Variants in ERBB4 observed in about 807,000 individuals in gnomAD.
ERBB4 encodes receptor tyrosine-protein kinase erbB-4.
Under a neutral mutation model 158.0 loss-of-function variants are expected in ERBB4, and 42 were observed. That is an observed-to-expected ratio of 0.27 (90% CI 0.21 to 0.34). ERBB4 has a LOEUF of 0.34. Ranked by LOEUF, ERBB4 falls within the 10% of genes least tolerant of loss-of-function variation. The pLI is 1.00. For synonymous variants in ERBB4, 583 were observed against 558.7 expected, an observed-to-expected ratio of 1.04 and a Z score of -0.61; for missense variants, 1,333 against 1,624.1, an observed-to-expected ratio of 0.82 and a Z score of 3.08.
chr2:211,635,804 T>A (rs2125884326), intron 16 of ERBB4, among the ~76,000 whole-genome samples: 1 of 152,248 alleles, frequency 6.6e-6, no homozygotes, highest in African/African-American at 2.4e-5. Flanking sequence ...TACCTTTTTT[T>A]AAAGGTAAGT....
At chr2:212,288,035 C>T (rs1039209060) in intron 1 of ERBB4, among the ~76,000 whole-genome samples, 6 of 152,066 alleles carry the variant, frequency 3.9e-5, no homozygotes, top group Non-Finnish European at 5.9e-5. Context: ...CAAACCTACA[C>T]TTGTACCCCA....
At chr2:212,213,501 G>T (rs1225163979) in intron 1 of ERBB4, among the ~76,000 whole-genome samples, 1 of 151,658 alleles carries the variant, frequency 6.6e-6, no homozygotes, top group Non-Finnish European at 1.5e-5. Context: ...GCATTTATGG[G>T]GGCAGCTAAA....
rs1478923575 is a variant in ERBB4 at position 212,109,769 on chromosome 2, C to T, written c.234+14983G>A. 3.3e-5 allele frequency among the ~76,000 whole-genome samples: 5 copies of T among 152,100 alleles called. No homozygotes were observed. In the South Asian group the frequency reaches 1.0e-3, roughly 32 times the overall value. On this transcript the variant is annotated intron_variant, in intron 2 of 27. Coordinates refer to ENST00000342788, the MANE Select transcript of ERBB4 (RefSeq NM_005235.3). ...TAAGCAAGAGCGTGATCAAACAATT[C>T]AATATTAATAAATAATAAGATATAT... is the stretch of plus-strand genomic sequence containing the variant.
intron 2 of ERBB4, among the ~76,000 whole-genome samples, chr2:211,986,164 G>C (rs1432343238): frequency 6.6e-6 from 1 of 152,132 alleles, no homozygotes; most frequent in Non-Finnish European, 1.5e-5. Context: ...TCAGGAGAAA[G>C]ACCTGGAACA....
chr2:211,734,772 T>G (rs1328896024), intron 5 of ERBB4, among the ~76,000 whole-genome samples: 1 of 151,084 alleles, frequency 6.6e-6, no homozygotes, highest in East Asian at 2.0e-4. Context: ...TACAAAAAAA[T>G]TAGCCAGGCG....
At chr2:212,010,547 G>C (rs1165489359) in intron 2 of ERBB4, among the ~76,000 whole-genome samples, 1 of 152,136 alleles carries the variant, frequency 6.6e-6, no homozygotes, top group East Asian at 1.9e-4. Flanking sequence ...AAGGGCAAAA[G>C]CAGAATTACT....
intron 4 of ERBB4, among the ~76,000 whole-genome samples, chr2:211,756,733 C>T (rs547609088): frequency 2.1e-3 from 317 of 152,226 alleles, no homozygotes; most frequent in African/African-American, 7.2e-3. Context: ...CTGAGGTTGA[C>T]GGTTCCAAAA....
chr2:212,143,913 G>C (rs1166480350), intron 1 of ERBB4, among the ~76,000 whole-genome samples: 2 of 151,914 alleles, frequency 1.3e-5, no homozygotes, highest in African/African-American at 2.4e-5. Flanking sequence ...CAGCTGCTTG[G>C]GAGGCTGAGG....
chr2:212,266,743 A>G (rs2085150546), intron 1 of ERBB4, among the ~76,000 whole-genome samples: 1 of 152,034 alleles, frequency 6.6e-6, no homozygotes, highest in South Asian at 2.1e-4. Flanking sequence ...ATTTCAAAAT[A>G]AAGAAAATAT....
At chr2:212,046,810 T>C (rs2077272592) in intron 2 of ERBB4, among the ~76,000 whole-genome samples, 1 of 152,194 alleles carries the variant, frequency 6.6e-6, no homozygotes, top group African/African-American at 2.4e-5. Flanking sequence ...CTGGTTGTCA[T>C]GGTAAGCTGT....
chr2:212,152,499 G>A (rs1258712770), intron 1 of ERBB4, among the ~76,000 whole-genome samples: 1 of 151,784 alleles, frequency 6.6e-6, no homozygotes, highest in Non-Finnish European at 1.5e-5. Flanking sequence ...ATTCTTCTTT[G>A]CGACTCTACC....
intron 12 of ERBB4, among the ~76,000 whole-genome samples, chr2:211,692,194 T>C (rs2072848714): frequency 6.6e-6 from 1 of 152,180 alleles, no homozygotes; most frequent in African/African-American, 2.4e-5. Context: ...CAGTCATCTT[T>C]CATGAAGAAT....
chr2:211,709,304 TGAGAGAGA>T (rs368439466), intron 9 of ERBB4, among the ~76,000 whole-genome samples: 1 of 140,384 alleles, frequency 7.1e-6, no homozygotes, highest in African/African-American at 2.8e-5. Flanking sequence ...TATATATATA[TGAGAGAGA>T]GAGAGAGAGA....
chr2:212,351,363 T>C (rs1481002505), intron 1 of ERBB4, among the ~76,000 whole-genome samples: 1 of 152,182 alleles, frequency 6.6e-6, no homozygotes, highest in Non-Finnish European at 1.5e-5. Flanking sequence ...AAATTTATGT[T>C]GTTTAAGCTA....
At chr2:211,870,026 TTCTCCCAG>T (rs1470618534) in intron 3 of ERBB4, among the ~76,000 whole-genome samples, 1 of 152,188 alleles carries the variant, frequency 6.6e-6, no homozygotes, top group Non-Finnish European at 1.5e-5. Context: ...CTCCTTGTGA[TTCTCCCAG>T]TATCCATCAT....
At chr2:212,300,043 A>G (rs979928919) in intron 1 of ERBB4, among the ~76,000 whole-genome samples, 1 of 151,596 alleles carries the variant, frequency 6.6e-6, no homozygotes, top group Admixed American at 6.6e-5. Context: ...ATTGAAGCAA[A>G]AATGAGAAAA....
At chr2:212,309,553 C>G (rs943459998) in intron 1 of ERBB4, among the ~76,000 whole-genome samples, 1 of 150,692 alleles carries the variant, frequency 6.6e-6, no homozygotes, top group Non-Finnish European at 1.5e-5. Flanking sequence ...TGGTGAATAG[C>G]AGGCACTCAA....
chr2:211,767,600 G>A (rs139003644), intron 4 of ERBB4, among the ~76,000 whole-genome samples: 220 of 152,252 alleles, frequency 1.4e-3, no homozygotes, highest in African/African-American at 4.8e-3. Flanking sequence ...CAGTCATGGC[G>A]GAAGGGGAAG....
chr2:212,063,064 T>G (rs17343843), intron 2 of ERBB4, among the ~76,000 whole-genome samples: 7,114 of 152,296 alleles, frequency 0.047, 218 homozygotes, highest in South Asian at 0.1. Flanking sequence ...AGGAGACTTA[T>G]CAAATAGTAA....
Sources: gnomAD v4.1 joint callset for allele counts (sites outside exome capture counted in the v4.1 genomes callset) on GRCh38, gnomAD v4.1.1 for gene constraint, MANE v1.5 for transcripts, NCBI Gene and HGNC (gene_info 2026-07-23, HGNC 2026-07-21) for gene names.